MICU1: variants seen among roughly 807,000 people sequenced by gnomAD.
The protein encoded by MICU1 is calcium uptake protein 1, mitochondrial.
A neutral mutation model predicts 56.8 loss-of-function variants in MICU1; 45 were observed. That is an observed-to-expected ratio of 0.79 (90% CI 0.62 to 1.02). The LOEUF (loss-of-function observed/expected upper bound fraction) is 1.02. Among genes scored for constraint, MICU1 ranks in the 50% least tolerant of loss-of-function variants. The pLI is 0.00. For synonymous variants in MICU1, 186 were observed against 195.1 expected (o/e 0.95, Z 0.39); for missense variants, 504 against 587.1 (o/e 0.86, Z 1.46).
At chr10:72,484,677 C>A (rs1866407690) in intron 6 of MICU1, among the ~76,000 whole-genome samples, 1 of 152,062 alleles carries the variant, frequency 6.6e-6, no homozygotes, top group East Asian at 1.9e-4. Flanking sequence ...TCACCTGAAC[C>A]TGGGGAGGTT....
chr10:72,621,773 A>T (rs1842110473), intron 1 of MICU1, among the ~76,000 whole-genome samples: 1 of 152,228 alleles, frequency 6.6e-6, no homozygotes. Context: ...ATGTAATAAC[A>T]GTACAGATAC....
chr10:72,472,569 T>C (rs1319595473), intron 8 of MICU1, among the ~76,000 whole-genome samples: 1 of 151,848 alleles, frequency 6.6e-6, no homozygotes. Context: ...TGTAAAGGTA[T>C]TGAAAAAAAA....
chr10:72,574,519 C>CA (rs1469190721), intron 1 of MICU1, among the ~76,000 whole-genome samples: 1 of 150,622 alleles, frequency 6.6e-6, no homozygotes, highest in Admixed American at 6.6e-5. Flanking sequence ...AACTCCATCT[C>CA]AAAAAAATAA....
intron 6 of MICU1, among the ~76,000 whole-genome samples, chr10:72,506,280 G>C (rs1867249471): frequency 6.6e-6 from 1 of 152,176 alleles, no homozygotes; most frequent in Non-Finnish European, 1.5e-5. Flanking sequence ...TGAAGGTTCT[G>C]TTCTGTGTTC....
intron 4 of MICU1, among the ~76,000 whole-genome samples, chr10:72,535,303 TGC>T (rs1839606193): frequency 6.6e-6 from 1 of 152,068 alleles, no homozygotes; most frequent in Non-Finnish European, 1.5e-5. Flanking sequence ...CCTCCCAAAG[TGC>T]TGGGATTACA....
At chr10:72,421,257 T>C (rs1864163060) in intron 9 of MICU1, among the ~76,000 whole-genome samples, 1 of 151,774 alleles carries the variant, frequency 6.6e-6, no homozygotes, top group South Asian at 2.1e-4. Context: ...TTTCTTTTTT[T>C]CTTTATCTTT....
intron 9 of MICU1, among the ~76,000 whole-genome samples, chr10:72,421,246 CTTT>C (rs1864162104): frequency 6.6e-6 from 1 of 151,420 alleles, no homozygotes; most frequent in African/African-American, 2.4e-5. Context: ...TCTTTTCTTT[CTTT>C]CTTTTTTTCT....
At chr10:72,555,948 C>T (rs907936344) in intron 3 of MICU1, among the ~76,000 whole-genome samples, 1 of 152,148 alleles carries the variant, frequency 6.6e-6, no homozygotes, top group African/African-American at 2.4e-5. Context: ...CCAAGGAAAA[C>T]CATGGATATA....
chr10:72,512,716 T>TTGTTTTGTTTTGTTTTG (rs1564911867), intron 5 of MICU1, among the ~76,000 whole-genome samples: 27 of 151,614 alleles, frequency 1.8e-4, no homozygotes, highest in African/African-American at 6.3e-4. Context: ...TTGTTTTGTT[T>TTGTTTTGTTTTGTTTTG]TGAGACAGTG....
At chr10:72,485,719 T>C (rs1416299101) in intron 6 of MICU1, among the ~76,000 whole-genome samples, 1 of 151,762 alleles carries the variant, frequency 6.6e-6, no homozygotes, top group East Asian at 1.9e-4. Context: ...ACATATAATA[T>C]AAAATTATTT....
chr10:72,595,981 T>C (rs2132537083), intron 1 of MICU1, among the ~76,000 whole-genome samples: 1 of 149,628 alleles, frequency 6.7e-6, no homozygotes, highest in South Asian at 2.1e-4. Context: ...AAAAAAATTT[T>C]TTTCTTTTTT....
At chr10:72,616,962 C>T (rs1325457275) in intron 1 of MICU1, among the ~76,000 whole-genome samples, 2 of 152,206 alleles carry the variant, frequency 1.3e-5, no homozygotes, top group African/African-American at 4.8e-5. Flanking sequence ...AGGCAGCAAG[C>T]CAGAGCAATC....
chr10:72,533,862 G>T, intron 4 of MICU1, 73 bp from the exon 5 acceptor site: 1 of 1,066,090 alleles, frequency 9.4e-7, no homozygotes, highest in Non-Finnish European at 1.4e-6. Context: ...GACAGCTCTT[G>T]GTTTTGTTTC....
intron 5 of MICU1, among the ~76,000 whole-genome samples, chr10:72,522,123 G>A (rs1002435894): frequency 1.2e-4 from 18 of 152,166 alleles, no homozygotes; most frequent in Non-Finnish European, 2.5e-4. Flanking sequence ...AGGCTAAGTT[G>A]AGAACTCATT....
At chr10:72,601,190 G>A (rs1490169263) in intron 1 of MICU1, among the ~76,000 whole-genome samples, 1 of 152,088 alleles carries the variant, frequency 6.6e-6, no homozygotes, top group Non-Finnish European at 1.5e-5. Flanking sequence ...GAGAGGCCAG[G>A]TTGGGTACCT....
intron 5 of MICU1, among the ~76,000 whole-genome samples, chr10:72,527,168 T>G (rs548124965): frequency 1.3e-5 from 2 of 152,094 alleles, no homozygotes; most frequent in African/African-American, 2.4e-5. Context: ...ACTTCAACTC[T>G]TAGCAAAAAG....
chr10:72,422,033 C>T (rs372120363), intron 9 of MICU1, among the ~76,000 whole-genome samples: 2 of 152,220 alleles, frequency 1.3e-5, no homozygotes, highest in East Asian at 3.9e-4. Context: ...TATGGACTGA[C>T]CCCACCCCCT....
intron 4 of MICU1, among the ~76,000 whole-genome samples, chr10:72,549,843 T>C (rs908722270): frequency 1.4e-5 from 2 of 147,740 alleles, no homozygotes; most frequent in African/African-American, 2.6e-5. Context: ...GGCTGGAGAA[T>C]CGCTTGAACC....
chr10:72,609,545 TAACACGGTGA>T (rs552454457), intron 1 of MICU1, among the ~76,000 whole-genome samples: 1 of 151,984 alleles, frequency 6.6e-6, no homozygotes, highest in African/African-American at 2.4e-5. Context: ...CCATCCTGGC[TAACACGGTGA>T]AACCCCGTCT....
Sources: gnomAD v4.1 joint callset for allele counts (sites outside exome capture counted in the v4.1 genomes callset) on GRCh38, gnomAD v4.1.1 for gene constraint, MANE v1.5 for transcripts, NCBI Gene and HGNC (gene_info 2026-07-23, HGNC 2026-07-21) for gene names.